Variants in MKI67 observed in about 807,000 individuals in gnomAD.
MKI67 encodes marker of proliferation Ki-67.
A neutral mutation model predicts 233.5 loss-of-function variants in MKI67; 152 were observed. The ratio of observed to expected loss-of-function variants is 0.65; its 90% CI spans 0.57 to 0.74. MKI67 has a LOEUF of 0.74. MKI67 is among the 30% of genes least tolerant of loss of function. The probability of loss-of-function intolerance (pLI) is 0.00; values close to 1 mark genes in which losing one functional copy is unlikely to be tolerated. For synonymous variants in MKI67, 1,465 were observed against 1,418.5 expected (o/e 1.03, Z -0.74); for missense variants, 3,940 against 3,885.2 (o/e 1.01, Z -0.37).
intron 6 of MKI67, 66 bp downstream of exon 6, chr10:128,116,425 T>C: frequency 2.1e-6 from 3 of 1,429,102 alleles, no homozygotes; most frequent in Non-Finnish European, 3.0e-6. Flanking sequence ...TGCCCCTTCT[T>C]TGCCAATATG....
At chr10:128,117,819 T>G in intron 5 of MKI67, among the ~76,000 whole-genome samples, 1 of 152,254 alleles carries the variant, frequency 6.6e-6, no homozygotes, top group South Asian at 2.1e-4. Context: ...TTACATTCAA[T>G]AGCCACAAAA....
intron 13 of MKI67, 132 bp from the exon 14 acceptor site, chr10:128,101,833 A>G: frequency 1.4e-6 from 1 of 721,422 alleles, no homozygotes; most frequent in Non-Finnish European, 2.2e-6. Context: ...TGAATTGTCT[A>G]AGAGACTTGT....
chr10:128,113,115 T>C (rs1852717202), intron 8 of MKI67, among the ~76,000 whole-genome samples: 1 of 152,190 alleles, frequency 6.6e-6, no homozygotes, highest in Non-Finnish European at 1.5e-5. Context: ...ATCTTTGTAA[T>C]TGGCTATTCT....
chr10:128,118,884 CG>C (rs1852866516), intron 5 of MKI67, among the ~76,000 whole-genome samples: 1 of 152,078 alleles, frequency 6.6e-6, no homozygotes, highest in Non-Finnish European at 1.5e-5. Context: ...CACATAAAGA[CG>C]GATGAGTACA....
chr10:128,099,621 C>T (rs1852290355), intron 14 of MKI67, among the ~76,000 whole-genome samples: 2 of 152,180 alleles, frequency 1.3e-5, no homozygotes, highest in Non-Finnish European at 2.9e-5. Context: ...TTTGGGTCTC[C>T]TAAACCAAGG....
chr10:128,103,519 G>T lies in MKI67; in HGVS notation c.8321C>A (p.Pro2774Gln), dbSNP rs373588815. Residue 2774 changes from proline (P) to glutamine (Q), a missense_variant, in exon 13 of 15, where the codon CCG (proline) becomes CAG (glutamine). By Grantham distance (76) the Pro-to-Gln change is moderately conservative. Coordinates refer to ENST00000368654, the MANE Select transcript of MKI67 (RefSeq NM_002417.5). ...KALKESAKQT[P>Q]APAASVTGSR... ...GCCAGTTACACTTGCTGCTGGAGCC[G>T]GTGTCTGTTTTGCAGATTCCTTCAA... 1 of 1,612,856 alleles carries T rather than the reference G, an allele frequency of 6.2e-7. No homozygotes were observed.
intron 12 of MKI67, among the ~76,000 whole-genome samples, chr10:128,109,778 T>C (rs186160047): frequency 2.0e-5 from 3 of 152,320 alleles, no homozygotes; most frequent in Admixed American, 6.5e-5. Context: ...GTTTCTTGCC[T>C]TAAATCGCCA....
At chr10:128,101,749 A>G (rs772957301) in intron 13 of MKI67, 48 bp from the exon 14 acceptor site, 14 of 1,451,832 alleles carry the variant, frequency 9.6e-6, no homozygotes, top group Non-Finnish European at 1.2e-5. Context: ...TTAGTAAAAC[A>G]AACTTCAAAA....
chr10:128,119,397 C>A, intron 4 of MKI67, 78 bp from the exon 5 acceptor site: 1 of 960,360 alleles, frequency 1.0e-6, no homozygotes, highest in Non-Finnish European at 1.6e-6. Context: ...CACTTAATGT[C>A]CAAGGATCAA....
chr10:128,105,970 A>G lies in MKI67; in HGVS notation c.5870T>C (p.Phe1957Ser). ...ACCTGGTGTCTGGAAGAGCTCTTTG[A>G]AGCCAGCCAGATCTTCTAGAGCCTT... Reference protein sequence around the residue: ...KAKALEDLAGFKELFQTPGHT... With the variant: ...KAKALEDLAGSKELFQTPGHT... The change falls in exon 13 of 15, where the codon TTC becomes TCC. Residue 1957 changes from phenylalanine (F) to serine (S), a missense_variant. Transcript: ENST00000368654. The G allele has an allele frequency of 3.1e-6, 5 of 1,614,168 alleles. No individual in the cohort carries two copies. Among genetic ancestry groups the G allele is most frequent in the Non-Finnish European group, 4.2e-6 (5 of 1,180,032 alleles).
intron 11 of MKI67, 104 bp downstream of exon 11, chr10:128,111,541 A>AATATATT: frequency 1.2e-6 from 1 of 811,358 alleles, no homozygotes; most frequent in Non-Finnish European, 1.8e-6. Flanking sequence ...CGTTTATTTT[A>AATATATT]TAATCTCTTT....
Position 128,099,162 on chromosome 10 carries a change from T to C in MKI67, c.*28A>G, listed in dbSNP as rs931395953. On this transcript the variant is annotated 3_prime_UTR_variant, in exon 15 of 15. Transcript: ENST00000368654. Reference sequence around the variant, plus strand: ...AGAACTTATCACAAAACTAACTTTATTATATTTTTCCCAGTTCGATTTTTC... The same window carrying C: ...AGAACTTATCACAAAACTAACTTTACTATATTTTTCCCAGTTCGATTTTTC... 1 of 1,566,820 alleles carries C rather than the reference T, an allele frequency of 6.4e-7. No individual in the cohort carries two copies. The highest frequency in any genetic ancestry group is 8.7e-7 in the Non-Finnish European group (1 of 1,145,126).
At chr10:128,123,694 C>T (rs1852997279) in intron 2 of MKI67, among the ~76,000 whole-genome samples, 1 of 152,100 alleles carries the variant, frequency 6.6e-6, no homozygotes, top group South Asian at 2.1e-4. Flanking sequence ...ATTTGCCTAG[C>T]ACATAGTAAA....
chr10:128,104,821 A>G lies in MKI67; in HGVS notation c.7019T>C (p.Ile2340Thr). The change falls in exon 13 of 15, where the codon ATA becomes ACA. Residue 2340 changes from isoleucine to threonine, a missense_variant. Transcript: ENST00000368654. ...KPTTDEKTTK[I>T]ACKSPQPDPV... Reference sequence around the variant, plus strand: ...GTCTGGTTGTGGAGATTTGCAGGCTATTTTGGTAGTTTTCTCATCAGTCGT... The same window carrying G: ...GTCTGGTTGTGGAGATTTGCAGGCTGTTTTGGTAGTTTTCTCATCAGTCGT... 7 of 1,611,268 alleles carry G rather than the reference A, an allele frequency of 4.3e-6. No individual in the cohort carries two copies. Among genetic ancestry groups the G allele is most frequent in the Non-Finnish European group, 5.9e-6 (7 of 1,179,470 alleles).
At position 128,106,260 on chromosome 10, in the gene MKI67, T is replaced by C. The variant is rs1327356910; in HGVS notation, c.5580A>G (p.Lys1860=). 1.2e-6 allele frequency: 2 copies of C among 1,613,792 alleles called. No homozygotes were observed. The highest frequency in any genetic ancestry group is 1.3e-5 in the African/African-American group (1 of 74,802). Residue 1860 remains lysine, a synonymous_variant, in exon 13 of 15, where the codon AAA becomes AAG. Coordinates refer to ENST00000368654, the MANE Select transcript of MKI67 (RefSeq NM_002417.5). ...DEKTTKKILC[K]SPQSDPADTP... Reference sequence around the variant, plus strand: ...TGTCCGCTGGGTCTGATTGCGGAGATTTGCAGAGTATTTTTTTGGTAGTTT... The same window carrying C: ...TGTCCGCTGGGTCTGATTGCGGAGACTTGCAGAGTATTTTTTTGGTAGTTT...
In MKI67 at chr10:128,103,015, A is replaced by G. The variant is rs756003162; in HGVS notation, c.8825T>C (p.Phe2942Ser). ...AGGTGTTTGCTTTGGAGCGCTTGTA[A>G]AGCTATCAGCAGCACCATTTGCCAG... The part of the protein sequence containing the change: ...EELANGAADS[F>S]TSAPKQTPDS... Residue 2942 changes from phenylalanine to serine, a missense_variant, in exon 13 of 15, where the codon TTT becomes TCT. Coordinates refer to ENST00000368654, the MANE Select transcript of MKI67 (RefSeq NM_002417.5). 1 of 1,614,202 alleles carries G rather than the reference A, an allele frequency of 6.2e-7. No individual in the cohort carries two copies. Among genetic ancestry groups the G allele is most frequent in the Non-Finnish European group, 8.5e-7 (1 of 1,180,024 alleles).
In MKI67 at chr10:128,101,382, T is replaced by C; in HGVS notation, c.9581A>G (p.Asn3194Ser). The change falls in exon 14 of 15, where the codon AAT becomes AGT. Residue 3194 changes from asparagine (N) to serine (S), a missense_variant. Asn to Ser is a conservative substitution (Grantham distance 46). Coordinates refer to ENST00000368654, the MANE Select transcript of MKI67 (RefSeq NM_002417.5). The stretch of plus-strand genomic sequence containing the variant: ...TGATCTCAGGCACATGGAGTCTGAA[T>C]TTCCTGCTTCTCCTTTCCCTTTCTG... The part of the protein sequence containing the change: ...QNQKGKGEAG[N>S]SDSMCLRSRK... The C allele has an allele frequency of 6.2e-7, 1 of 1,614,214 alleles. No individual in the cohort carries two copies.
rs1244857664 is a variant in MKI67 at position 128,103,552 on chromosome 10, A to T, written c.8288T>A (p.Ile2763Asn). 6.2e-7 allele frequency: 1 copy of T among 1,612,916 alleles called. No homozygotes were observed. The highest frequency in any genetic ancestry group is 1.7e-5 in the Admixed American group (1 of 59,924). ...DKEPAGEDKG[I>N]KALKESAKQT... ...TTTTGCAGATTCCTTCAATGCTTTG[A>T]TGCCTTTATCTTCACCTGCTGGTTC... Residue 2763 changes from isoleucine (I) to asparagine (N), a missense_variant, in exon 13 of 15, where the codon ATC becomes AAC. Physicochemically the swap from Ile to Asn is moderately radical, Grantham distance 149. Coordinates refer to ENST00000368654, the MANE Select transcript of MKI67 (RefSeq NM_002417.5).
chr10:128,120,656 A>T (rs1852916649), intron 4 of MKI67, among the ~76,000 whole-genome samples: 1 of 152,218 alleles, frequency 6.6e-6, no homozygotes, highest in Non-Finnish European at 1.5e-5. Flanking sequence ...AAAAACAGCT[A>T]ATACAAATGA....
Sources: allele counts gnomAD v4.1 joint callset (sites outside exome capture counted in the v4.1 genomes callset), GRCh38; gene constraint gnomAD v4.1.1; transcripts MANE v1.5; gene names NCBI Gene and HGNC (gene_info 2026-07-23, HGNC 2026-07-21).